The following HIVEP3 variants were observed in gnomAD, a reference collection of about 807,000 sequenced individuals.
HIVEP3 encodes HIVEP zinc finger 3.
In HIVEP3, 49 loss-of-function variants were observed where a neutral mutation model predicts 152.8. The ratio of observed to expected loss-of-function variants is 0.32; its 90% CI spans 0.26 to 0.41. The LOEUF (loss-of-function observed/expected upper bound fraction) is 0.41. Among genes scored for constraint, HIVEP3 ranks in the 10% least tolerant of loss-of-function variants. The pLI is 1.00. For missense variants in HIVEP3, 2,790 were observed against 3,103.3 expected (o/e 0.90, Z 2.40); for synonymous variants, 1,269 against 1,289.0 (o/e 0.98, Z 0.33).
intron 5 of HIVEP3, among the ~76,000 whole-genome samples, chr1:41,545,309 CA>C (rs1643732728): frequency 3.4e-5 from 5 of 145,722 alleles, no homozygotes; most frequent in African/African-American, 1.3e-4. Context: ...CCTCTACCAC[CA>C]TCGCTACCAT....
intron 1 of HIVEP3, among the ~76,000 whole-genome samples, chr1:41,712,154 T>C (rs191496539): frequency 6.6e-6 from 1 of 152,346 alleles, no homozygotes; most frequent in East Asian, 1.9e-4. Context: ...CAGGCTGTGC[T>C]CCGTGCTCTG....
chr1:41,650,223 T>C (rs1046308677), intron 2 of HIVEP3, among the ~76,000 whole-genome samples: 2 of 151,620 alleles, frequency 1.3e-5, no homozygotes, highest in African/African-American at 4.8e-5. Context: ...TGCTGGGGAA[T>C]GGGAGGGGTG....
intron 4 of HIVEP3, 126 bp downstream of exon 4, chr1:41,579,611 G>T: frequency 9.1e-7 from 1 of 1,104,396 alleles, no homozygotes; most frequent in South Asian, 1.8e-5. Flanking sequence ...TCAGCTTTCA[G>T]AGAGGAAATC....
At chr1:42,002,060 G>T (rs538657961) in intron 1 of HIVEP3, among the ~76,000 whole-genome samples, 55 of 152,168 alleles carry the variant, frequency 3.6e-4, no homozygotes, top group African/African-American at 1.3e-3. Context: ...CTGATTGACT[G>T]CCAGTTCTCT....
At chr1:41,721,470 TG>T (rs1646673639) in intron 1 of HIVEP3, among the ~76,000 whole-genome samples, 1 of 152,164 alleles carries the variant, frequency 6.6e-6, no homozygotes, top group Non-Finnish European at 1.5e-5. Context: ...CCTCCCAAAG[TG>T]CTGGGATTAC....
rs1644405745 is a variant in HIVEP3, at chr1:41,581,407, T to C, written c.3391A>G (p.Thr1131Ala). 1 of 1,604,496 alleles carries C rather than the reference T, an allele frequency of 6.2e-7. No homozygotes were observed. The highest frequency in any genetic ancestry group is 1.3e-5 in the African/African-American group (1 of 74,848). ...LQVFHHPVAQ[T>A]PLHEKPYLPP... ...AGGTATGGCTTCTCATGCAGGGGTG[T>C]CTGGGCAACGGGGTGGTGGAACACT... is the stretch of plus-strand genomic sequence containing the variant. The change falls in exon 4 of 9, where the codon ACA becomes GCA. Residue 1131 changes from threonine to alanine, a missense_variant. Around this residue, in one of 9 missense-constraint regions of HIVEP3, gnomAD observed 1,078 missense variants for 1,165.3 expected, o/e 0.93. Transcript: ENST00000372583. This position sits in a 1 kb window ranked among gnomAD's most constrained non-coding sequence, Gnocchi z 4.5.
At chr1:41,764,383 A>T (rs967948823) in intron 1 of HIVEP3, among the ~76,000 whole-genome samples, 3 of 152,228 alleles carry the variant, frequency 2.0e-5, no homozygotes, top group African/African-American at 7.2e-5. Context: ...GTAGGAGCGG[A>T]TTTAACTGAG....
At chr1:41,718,113 T>A (rs929483835) in intron 1 of HIVEP3, among the ~76,000 whole-genome samples, 1 of 152,176 alleles carries the variant, frequency 6.6e-6, no homozygotes, top group Non-Finnish European at 1.5e-5. Flanking sequence ...CTTCTCCATA[T>A]GGGAAATTGG....
chr1:41,856,780 A>G (rs180926566), intron 1 of HIVEP3, among the ~76,000 whole-genome samples: 201 of 152,188 alleles, frequency 1.3e-3, no homozygotes, highest in South Asian at 2.3e-3. Flanking sequence ...GACGGCGCTG[A>G]AGCTTGGGGG....
chr1:41,515,882 C>T (rs894372865), intron 7 of HIVEP3, among the ~76,000 whole-genome samples: 3 of 152,120 alleles, frequency 2.0e-5, no homozygotes, highest in African/African-American at 7.2e-5. Context: ...ATACCCTGTC[C>T]CCCCAGTCTC....
intron 5 of HIVEP3, among the ~76,000 whole-genome samples, chr1:41,551,207 T>G (rs947966943): frequency 4.6e-5 from 7 of 152,256 alleles, no homozygotes; most frequent in African/African-American, 1.7e-4. Context: ...GAACCATCCT[T>G]GCGTCCCAGG....
chr1:41,671,580 T>C (rs1250593319), intron 2 of HIVEP3, among the ~76,000 whole-genome samples: 1 of 152,182 alleles, frequency 6.6e-6, no homozygotes, highest in Non-Finnish European at 1.5e-5. Context: ...GTCCTATAGC[T>C]TCCATCTTGG....
intron 1 of HIVEP3, among the ~76,000 whole-genome samples, chr1:41,784,230 G>C (rs1649216126): frequency 6.6e-6 from 1 of 152,162 alleles, no homozygotes; most frequent in South Asian, 2.1e-4. Flanking sequence ...ATGTGGCTAG[G>C]CCATATTGTA....
intron 1 of HIVEP3, among the ~76,000 whole-genome samples, chr1:41,812,526 C>A (rs189833264): frequency 6.6e-6 from 1 of 152,138 alleles, no homozygotes; most frequent in Non-Finnish European, 1.5e-5. Flanking sequence ...TGAGGAAATG[C>A]CTGAATTCTA....
At chr1:41,785,058 A>AATCTT (rs1333249865) in intron 1 of HIVEP3, among the ~76,000 whole-genome samples, 1 of 152,182 alleles carries the variant, frequency 6.6e-6, no homozygotes, top group African/African-American at 2.4e-5. Context: ...AGTCACGGAA[A>AATCTT]ATCTTCTAAA....
chr1:41,744,288 C>T (rs1647038774), intron 1 of HIVEP3, among the ~76,000 whole-genome samples: 1 of 152,224 alleles, frequency 6.6e-6, no homozygotes, highest in South Asian at 2.1e-4. Context: ...ATCCACCCAC[C>T]TCAGCCTCCC....
intron 1 of HIVEP3, among the ~76,000 whole-genome samples, chr1:41,858,371 TGCCC>T (rs1643827124): frequency 6.6e-6 from 1 of 152,242 alleles, no homozygotes; most frequent in Non-Finnish European, 1.5e-5. Context: ...ATTATATTCA[TGCCC>T]TGTCATTCAC....
At chr1:41,684,262 G>C (rs1212509708) in intron 2 of HIVEP3, among the ~76,000 whole-genome samples, 1 of 152,216 alleles carries the variant, frequency 6.6e-6, no homozygotes, top group Non-Finnish European at 1.5e-5. Flanking sequence ...GGGAAGCCCA[G>C]CCTGCTGGAT....
chr1:41,609,211 G>C (rs1001625535), intron 3 of HIVEP3, among the ~76,000 whole-genome samples: 1 of 152,230 alleles, frequency 6.6e-6, no homozygotes, highest in African/African-American at 2.4e-5. Context: ...ACACCGGAAA[G>C]GAAGATGAAC....
Sources: gnomAD v4.1 joint callset for allele counts (sites outside exome capture counted in the v4.1 genomes callset) on GRCh38, gnomAD v4.1.1 for gene constraint, gnomAD v4.1.1 regional missense constraint, Gnocchi (gnomAD v3.1) non-coding constraint, MANE v1.5 for transcripts, NCBI Gene and HGNC (gene_info 2026-07-23, HGNC 2026-07-21) for gene names.